GRM7: variants seen among roughly 807,000 people sequenced by gnomAD.
GRM7 encodes the protein metabotropic glutamate receptor 7.
Under a neutral mutation model 84.5 loss-of-function variants are expected in GRM7, and 35 were observed. The ratio of observed to expected loss-of-function variants is 0.41; its 90% CI spans 0.32 to 0.55. The LOEUF (loss-of-function observed/expected upper bound fraction) is 0.55, where lower values mean the gene tolerates loss of function less well. Ranked by LOEUF, GRM7 falls within the 20% of genes least tolerant of loss-of-function variation. The probability of loss-of-function intolerance (pLI) is 0.19; values close to 1 mark genes in which losing one functional copy is unlikely to be tolerated. For missense variants in GRM7, 1,003 were observed against 1,194.6 expected (o/e 0.84, Z 2.36); for synonymous variants, 487 against 455.1 (o/e 1.07, Z -0.89).
chr3:7,395,147 T>C (rs951571957), intron 4 of GRM7, among the ~76,000 whole-genome samples: 2 of 152,158 alleles, frequency 1.3e-5, no homozygotes, highest in Non-Finnish European at 2.9e-5. Context: ...TTAAATATGT[T>C]TATAGAGCCA....
chr3:6,990,795 T>C lies in GRM7; in HGVS notation c.519+128888T>C, dbSNP rs573772332. ...TTCCTAGTGAGATGTGCTTTCTCTT[T>C]AGTTTTTAATGTTTGAAAAAGCTAA... On this transcript the variant is annotated intron_variant, in intron 1 of 9. Coordinates refer to ENST00000357716, the MANE Select transcript of GRM7 (RefSeq NM_000844.4). Among the ~76,000 whole-genome samples the C allele has an allele frequency of 8.5e-5, 13 of 152,316 alleles. No homozygotes were observed. In the South Asian group the frequency reaches 2.7e-3, roughly 32 times the overall value.
intron 1 of GRM7, among the ~76,000 whole-genome samples, chr3:6,965,951 G>A (rs986065127): frequency 4.6e-5 from 7 of 152,064 alleles, no homozygotes; most frequent in East Asian, 1.9e-4. Flanking sequence ...AAAAAGAAAC[G>A]GTGTTTTGGT....
In GRM7 at chr3:7,383,177, T is replaced by A. The variant is rs1415349357; in HGVS notation, c.1034-31846T>A. 7.2e-5 allele frequency among the ~76,000 whole-genome samples: 11 copies of A among 152,358 alleles called. No individual in the cohort carries two copies. The South Asian group carries it at 2.1e-3, about 29-fold the overall frequency. ...TTCTCTTCTTTTTCATAGGTTCTCA[T>A]GGAAAATGATTTAAGATGTTTAATT... is the stretch of plus-strand genomic sequence containing the variant. On this transcript the variant is annotated intron_variant, in intron 4 of 9. Coordinates refer to ENST00000357716, the MANE Select transcript of GRM7 (RefSeq NM_000844.4).
At chr3:7,388,778 A>G (rs1603876) in intron 4 of GRM7, among the ~76,000 whole-genome samples, 94,382 of 151,740 alleles carry the variant, frequency 0.62, 29,576 homozygotes, top group Middle Eastern at 0.68. Context: ...GTGCTTTTTG[A>G]GTATTCTTTT....
At chr3:7,563,936 A>G (rs951808575) in intron 7 of GRM7, among the ~76,000 whole-genome samples, 11 of 152,188 alleles carry the variant, frequency 7.2e-5, no homozygotes, top group African/African-American at 2.7e-4. Context: ...GCTTACATTC[A>G]GGTGGAGGGA....
chr3:6,938,312 T>C (rs1197312277), intron 1 of GRM7, among the ~76,000 whole-genome samples: 1 of 152,192 alleles, frequency 6.6e-6, no homozygotes, highest in Admixed American at 6.5e-5. Context: ...AAAATTCACT[T>C]GTATCATATT....
rs1245677228 is a variant in GRM7 at position 7,550,565 on chromosome 3, CTCTCTCTCTCTCTG to C, written c.1516-27855_1516-27842del. Reference sequence around the variant, plus strand: ...CCTTTTCTTCTCTCTCTCTCTCTCTCTCTCTCTCTCTCTGTGTGTGTGTGTGTGTGTGTGTGTGT... The same window carrying C: ...CCTTTTCTTCTCTCTCTCTCTCTCTCTGTGTGTGTGTGTGTGTGTGTGTGT... On this transcript the variant is annotated intron_variant, in intron 7 of 9. Coordinates refer to ENST00000357716, the MANE Select transcript of GRM7 (RefSeq NM_000844.4). 1.0e-4 allele frequency among the ~76,000 whole-genome samples: 10 copies of C among 96,632 alleles called. No homozygotes were observed. The East Asian group carries it at 1.0e-3, about 10-fold the overall frequency. The allele number at this position is 96,632 out of a possible 152,430, so 63.4% of individuals were successfully genotyped here.
At chr3:7,324,213 G>A (rs763177432) in intron 4 of GRM7, among the ~76,000 whole-genome samples, 3 of 152,082 alleles carry the variant, frequency 2.0e-5, no homozygotes, top group East Asian at 1.9e-4. Flanking sequence ...TCATCCCTGC[G>A]TATGAGCTTC....
intron 9 of GRM7, among the ~76,000 whole-genome samples, chr3:7,722,856 G>A (rs368022729): frequency 2.0e-5 from 3 of 152,116 alleles, no homozygotes; most frequent in African/African-American, 7.2e-5. Context: ...GTGGCACTCT[G>A]AAATACATAG....
At chr3:7,618,785 C>T (rs1697229861) in intron 8 of GRM7, among the ~76,000 whole-genome samples, 1 of 152,138 alleles carries the variant, frequency 6.6e-6, no homozygotes. Flanking sequence ...GTGACAATTA[C>T]AGTGGGCTGG....
intron 1 of GRM7, among the ~76,000 whole-genome samples, chr3:7,040,835 C>T (rs776416958): frequency 5.3e-5 from 8 of 151,884 alleles, no homozygotes; most frequent in South Asian, 2.1e-4. Context: ...GTAATCCCAG[C>T]GCTTTGGGAG....
intron 1 of GRM7, among the ~76,000 whole-genome samples, chr3:6,907,573 A>G (rs1224142975): frequency 6.6e-6 from 1 of 152,196 alleles, no homozygotes; most frequent in East Asian, 1.9e-4. Flanking sequence ...ATAAATCATG[A>G]AGTGATCTCT....
At chr3:7,523,385 G>A (rs1419491881) in intron 7 of GRM7, among the ~76,000 whole-genome samples, 3 of 152,036 alleles carry the variant, frequency 2.0e-5, no homozygotes, top group Non-Finnish European at 4.4e-5. Context: ...GTAACAAACG[G>A]AACCTACAAG....
At chr3:7,469,332 G>C (rs1365815004) in intron 7 of GRM7, among the ~76,000 whole-genome samples, 1 of 152,202 alleles carries the variant, frequency 6.6e-6, no homozygotes, top group African/African-American at 2.4e-5. Context: ...TGCAAAGTTA[G>C]ATGATTTTGG....
At chr3:7,504,485 A>C (rs1243307839) in intron 7 of GRM7, among the ~76,000 whole-genome samples, 1 of 152,224 alleles carries the variant, frequency 6.6e-6, no homozygotes, top group African/African-American at 2.4e-5. Flanking sequence ...GTAGTTTATA[A>C]AGAAAAGAAG....
chr3:7,113,407 A>G lies in GRM7; in HGVS notation c.520-33045A>G, dbSNP rs75493980. 3.9e-3 allele frequency among the ~76,000 whole-genome samples: 599 copies of G among 152,266 alleles called. 6 individuals are homozygous for G. Among genetic ancestry groups the G allele is most frequent in the African/African-American group, 0.014 (575 of 41,562 alleles). On this transcript the variant is annotated intron_variant, in intron 1 of 9. Coordinates refer to ENST00000357716, the MANE Select transcript of GRM7 (RefSeq NM_000844.4). ...TCTACATCCTGCACCTCAGTGGTAC[A>G]TTTGTTCCAATGTATTATTTTATCT...
chr3:7,190,526 T>C (rs1311212150), intron 2 of GRM7, among the ~76,000 whole-genome samples: 1 of 152,180 alleles, frequency 6.6e-6, no homozygotes, highest in African/African-American at 2.4e-5. Context: ...ATTAGACAAA[T>C]CTTGATCTTT....
chr3:7,210,359 C>G (rs1456979537), intron 2 of GRM7, among the ~76,000 whole-genome samples: 1 of 152,206 alleles, frequency 6.6e-6, no homozygotes, highest in African/African-American at 2.4e-5. Context: ...AAGCCTTAGT[C>G]TTCCATTCAG....
At chr3:7,426,504 A>G (rs1282780539) in intron 5 of GRM7, among the ~76,000 whole-genome samples, 7 of 151,470 alleles carry the variant, frequency 4.6e-5, no homozygotes, top group Non-Finnish European at 8.8e-5. Context: ...CCCCAATACA[A>G]CTTTTGACAA....
Sources: gnomAD v4.1 joint callset for allele counts (sites outside exome capture counted in the v4.1 genomes callset) on GRCh38, gnomAD v4.1.1 for gene constraint, MANE v1.5 for transcripts, NCBI Gene and HGNC (gene_info 2026-07-23, HGNC 2026-07-21) for gene names.